CHD6: variants seen among roughly 807,000 people sequenced by gnomAD.
CHD6 encodes the protein chromodomain helicase DNA binding protein 6, also known as ATP-dependent chromatin remodeler CHD6.
Under a neutral mutation model 276.9 loss-of-function variants are expected in CHD6, and 50 were observed. That is an observed-to-expected ratio of 0.18 (90% CI 0.14 to 0.23). The LOEUF is 0.23. CHD6 is among the 10% of genes least tolerant of loss of function. The pLI, the probability that CHD6 is intolerant of heterozygous loss-of-function variation, is 1.00. For missense variants in CHD6, 2,564 were observed against 3,365.8 expected (o/e 0.76, Z 5.89); for synonymous variants, 1,173 against 1,229.3 (o/e 0.95, Z 0.96).
chr20:41,528,367 C>T (rs1433159288), intron 3 of CHD6, among the ~76,000 whole-genome samples: 46 of 152,194 alleles, frequency 3.0e-4, no homozygotes, highest in Non-Finnish European at 8.8e-5. Context: ...TACACATAAA[C>T]GTACATCTGT....
intron 20 of CHD6, among the ~76,000 whole-genome samples, chr20:41,453,910 G>A (rs2048315301): frequency 6.6e-6 from 1 of 152,210 alleles, no homozygotes; most frequent in Non-Finnish European, 1.5e-5. Context: ...TACAAGCAGG[G>A]ACTGTCTCCT....
Position 41,493,273 on chromosome 20 carries a change from C to G in CHD6, c.1314+265G>C, listed in dbSNP as rs531319545. Among the ~76,000 whole-genome samples the G allele has an allele frequency of 2.6e-5, 4 of 152,234 alleles. No individual in the cohort carries two copies. The East Asian group carries it at 7.7e-4, about 29-fold the overall frequency. On this transcript the variant is annotated intron_variant, in intron 10 of 36. Coordinates refer to ENST00000373233, the MANE Select transcript of CHD6 (RefSeq NM_032221.5). ...ATTTTATTTTACTGACTCCATACAA[C>G]AGCCGCACACCAAGAAATCTAAGCC...
At chr20:41,599,888 A>G (rs1413851934) in intron 1 of CHD6, among the ~76,000 whole-genome samples, 1 of 152,178 alleles carries the variant, frequency 6.6e-6, no homozygotes, top group Admixed American at 6.5e-5. Flanking sequence ...ACACTAGCCA[A>G]TTGGGTCAGC....
chr20:41,543,615 G>C (rs750970570), intron 2 of CHD6, among the ~76,000 whole-genome samples: 1 of 152,172 alleles, frequency 6.6e-6, no homozygotes, highest in Non-Finnish European at 1.5e-5. Flanking sequence ...AATGTAGTAG[G>C]ACATATATTA....
intron 14 of CHD6, chr20:41,485,728 C>A (rs768783560): frequency 2.6e-4 from 39 of 151,958 alleles, no homozygotes; most frequent in Non-Finnish European, 5.0e-4. Context: ...TCAAAGGATA[C>A]AAAATTTTAG....
At chr20:41,554,943 C>T (rs1454722700) in intron 1 of CHD6, among the ~76,000 whole-genome samples, 2 of 151,934 alleles carry the variant, frequency 1.3e-5, no homozygotes, top group Non-Finnish European at 2.9e-5. Context: ...CTCCTCACTT[C>T]CCAGTAGGGG....
In CHD6 at chr20:41,415,172, A is replaced by C; in HGVS notation, c.6939+14T>G. On this transcript the variant is annotated intron_variant, in intron 34 of 36. Transcript: ENST00000373233. ...AAAGGTAAATGTTTTTAATCTAATG[A>C]CCTCAATACCCACCAAGATTCCCGC... 6.3e-7 allele frequency: 1 copy of C among 1,598,342 alleles called. No individual in the cohort carries two copies. Among genetic ancestry groups the C allele is most frequent in the African/African-American group, 1.3e-5 (1 of 74,372 alleles).
rs2046583590 is a variant in CHD6, at chr20:41,403,393, T to C, written c.*1200A>G. The C allele has an allele frequency of 1.9e-6, 2 of 1,062,046 alleles. No individual in the cohort carries two copies. Among genetic ancestry groups the C allele is most frequent in the Non-Finnish European group, 2.3e-6 (2 of 877,142 alleles). The allele number at this position is 1,062,046 out of a possible 1,614,324, so 65.8% of individuals were successfully genotyped here. On this transcript the variant is annotated 3_prime_UTR_variant, in exon 37 of 37. Transcript: ENST00000373233. ...GGGGAAGTGCTGCTTAGGCAGTTTC[T>C]TTCTCAGTTCCTAAACATGGAGAAG...
In CHD6 at chr20:41,472,921, C is replaced by T. The variant is rs143014772; in HGVS notation, c.2664+401G>A. 1.3e-3 allele frequency: 210 copies of T among 163,524 alleles called. 1 individual carries two copies. In the East Asian group the frequency reaches 0.024, roughly 19 times the overall value. The allele number at this position is 163,524 out of a possible 1,614,324, so 10.1% of individuals were successfully genotyped here. A position where few individuals can be genotyped will look rare whatever the true frequency, so the allele number is the denominator to read the frequency against. ...GCCACACCATGGAACTTTCCCACCC[C>T]TCTGGGTTAACTCGTTTACTGTACA... On this transcript the variant is annotated intron_variant, in intron 17 of 36. Transcript: ENST00000373233.
intron 1 of CHD6, among the ~76,000 whole-genome samples, chr20:41,571,308 A>G (rs1568709520): frequency 6.6e-6 from 1 of 152,192 alleles, no homozygotes; most frequent in Non-Finnish European, 1.5e-5. Context: ...GAATGACAGC[A>G]AAATGAAGAA....
At chr20:41,415,036 G>A in intron 34 of CHD6, 150 bp downstream of exon 34, 1 of 1,455,160 alleles carries the variant, frequency 6.9e-7, no homozygotes, top group Non-Finnish European at 9.1e-7. Context: ...TTCTACAGAA[G>A]ATGGAGGGCA....
At chr20:41,435,093 G>T (rs1488558638) in intron 27 of CHD6, among the ~76,000 whole-genome samples, 1 of 151,666 alleles carries the variant, frequency 6.6e-6, no homozygotes, top group Non-Finnish European at 1.5e-5. Context: ...CCAAACACTT[G>T]GACACTAAAT....
intron 24 of CHD6, among the ~76,000 whole-genome samples, 176 bp downstream of exon 24, chr20:41,447,706 G>T (rs918711848): frequency 1.3e-5 from 2 of 152,188 alleles, no homozygotes; most frequent in African/African-American, 4.8e-5. Flanking sequence ...ATTTGTAGAT[G>T]ACCTGATGAA....
chr20:41,444,684 G>A (rs1474788213), intron 25 of CHD6, among the ~76,000 whole-genome samples: 1 of 152,000 alleles, frequency 6.6e-6, no homozygotes, highest in Non-Finnish European at 1.5e-5. Flanking sequence ...CAAAGGCAGA[G>A]TAATATGGGA....
intron 1 of CHD6, among the ~76,000 whole-genome samples, chr20:41,557,040 A>G (rs1235360761): frequency 1.3e-5 from 2 of 152,240 alleles, no homozygotes; most frequent in African/African-American, 4.8e-5. Context: ...CTGGCTCAAT[A>G]AAGAACAAAT....
At chr20:41,548,435 A>G (rs1170043467) in intron 2 of CHD6, among the ~76,000 whole-genome samples, 3 of 152,190 alleles carry the variant, frequency 2.0e-5, no homozygotes, top group Non-Finnish European at 4.4e-5. Flanking sequence ...TGGAATCACT[A>G]AAGAATGTTT....
chr20:41,615,324 C>T (rs1186941074), intron 1 of CHD6, among the ~76,000 whole-genome samples: 1 of 149,644 alleles, frequency 6.7e-6, no homozygotes, highest in Non-Finnish European at 1.5e-5. Context: ...TTTTGCTCCA[C>T]TCACAAGCAT....
chr20:41,413,215 C>G, intron 35 of CHD6, 109 bp downstream of exon 35: 3 of 818,158 alleles, frequency 3.7e-6, no homozygotes, highest in Non-Finnish European at 5.6e-6. Flanking sequence ...ACAGATTTCT[C>G]CCAAACAGCT....
At chr20:41,504,812 T>C (rs1226980609) in intron 5 of CHD6, among the ~76,000 whole-genome samples, 1 of 152,236 alleles carries the variant, frequency 6.6e-6, no homozygotes, top group African/African-American at 2.4e-5. Flanking sequence ...ATTATATGAT[T>C]ATTCTCTTAA....
Sources: allele counts gnomAD v4.1 joint callset (sites outside exome capture counted in the v4.1 genomes callset), GRCh38; gene constraint gnomAD v4.1.1; transcripts MANE v1.5; gene names NCBI Gene and HGNC (gene_info 2026-07-23, HGNC 2026-07-21).